Variants in NAV2 observed in about 807,000 individuals in gnomAD.
The protein encoded by NAV2 is neuron navigator 2, also known as helicase, APC down-regulated 1.
Under a neutral mutation model 223.2 loss-of-function variants are expected in NAV2, and 54 were observed. The observed-to-expected ratio is 0.24, with a 90% CI of 0.19 to 0.30. The LOEUF is 0.30. NAV2 is among the 10% of genes least tolerant of loss of function. NAV2 has a pLI of 1.00. For synonymous variants in NAV2, 1,279 were observed against 1,239.3 expected, an observed-to-expected ratio of 1.03 and a Z score of -0.67; for missense variants, 2,806 against 3,147.5, an observed-to-expected ratio of 0.89 and a Z score of 2.60.
At chr11:19,439,619 A>C (rs1184593622) in intron 1 of NAV2, among the ~76,000 whole-genome samples, 1 of 152,194 alleles carries the variant, frequency 6.6e-6, no homozygotes, top group Non-Finnish European at 1.5e-5. Flanking sequence ...CCAACATGAT[A>C]CCTGTGTTTA....
intron 1 of NAV2, among the ~76,000 whole-genome samples, chr11:19,594,565 G>T (rs2046154239): frequency 6.6e-6 from 1 of 152,092 alleles, no homozygotes; most frequent in African/African-American, 2.4e-5. Flanking sequence ...TCCCAACATG[G>T]TAGTGAATAG....
At chr11:19,802,620 G>A (rs1180823723) in intron 1 of NAV2, among the ~76,000 whole-genome samples, 1 of 149,946 alleles carries the variant, frequency 6.7e-6, no homozygotes, top group Non-Finnish European at 1.5e-5. Flanking sequence ...CAAGGCAGGA[G>A]AATCACTTAA....
At chr11:20,058,735 T>C (rs1194741823) in intron 19 of NAV2, among the ~76,000 whole-genome samples, 1 of 152,216 alleles carries the variant, frequency 6.6e-6, no homozygotes, top group Non-Finnish European at 1.5e-5. Flanking sequence ...GAGAAAGGAC[T>C]TGACCTGCTC....
chr11:19,683,173 A>G (rs2048924404), intron 1 of NAV2, among the ~76,000 whole-genome samples: 1 of 152,174 alleles, frequency 6.6e-6, no homozygotes, highest in Non-Finnish European at 1.5e-5. Context: ...TGAGGAAGGA[A>G]GAGTAGCCGG....
At chr11:19,880,402 C>T (rs1018059939) in intron 5 of NAV2, among the ~76,000 whole-genome samples, 2 of 152,180 alleles carry the variant, frequency 1.3e-5, no homozygotes, top group Admixed American at 6.5e-5. Flanking sequence ...CACACATGCT[C>T]GTAGACAATA....
chr11:19,368,328 G>T (rs939797075), intron 1 of NAV2, among the ~76,000 whole-genome samples: 1 of 152,084 alleles, frequency 6.6e-6, no homozygotes, highest in African/African-American at 2.4e-5. Flanking sequence ...TTTGCTTTTG[G>T]GTAGAAACAA....
chr11:19,714,626 G>T, intron 1 of NAV2: 1 of 372,390 alleles, frequency 2.7e-6, no homozygotes, highest in South Asian at 2.0e-5. Context: ...GGGTGGAGGT[G>T]GCTGCCTCAG....
intron 22 of NAV2, among the ~76,000 whole-genome samples, chr11:20,071,297 C>T (rs185919888): frequency 0.01 from 1,542 of 152,166 alleles, 20 homozygotes; most frequent in Non-Finnish European, 0.016. Flanking sequence ...TGAACTCATC[C>T]TTTTTATGGC....
At chr11:19,486,835 A>G (rs1220871169) in intron 1 of NAV2, among the ~76,000 whole-genome samples, 1 of 152,236 alleles carries the variant, frequency 6.6e-6, no homozygotes, top group Non-Finnish European at 1.5e-5. Context: ...GAATGAAGGA[A>G]TGAATGGGTA....
chr11:20,082,916 A>G, intron 25 of NAV2, 91 bp from the exon 26 acceptor site: 2 of 1,228,110 alleles, frequency 1.6e-6, no homozygotes, highest in Non-Finnish European at 2.3e-6. Context: ...ACATGGGAGA[A>G]TTAATCGCTT....
In NAV2 at chr11:19,877,629, C is replaced by T. The variant is rs545225378; in HGVS notation, c.512-2240C>T. Among the ~76,000 whole-genome samples, 14 of 151,934 alleles carry T rather than the reference C, an allele frequency of 9.2e-5. No individual in the cohort carries two copies. The East Asian group carries it at 2.1e-3, about 23-fold the overall frequency. On this transcript the variant is annotated intron_variant, in intron 4 of 37. Transcript: ENST00000349880. ...CTGGGACCACACGCGCCCGCCACCA[C>T]GCCCGGCTAATTTTTTGTGTTTTTA...
intron 1 of NAV2, among the ~76,000 whole-genome samples, chr11:19,554,680 T>C (rs1012374157): frequency 2.0e-5 from 3 of 152,178 alleles, no homozygotes. Flanking sequence ...TGGTGGTGTT[T>C]TTGCCAGCAA....
Position 20,048,783 on chromosome 11 carries a change from A to G in NAV2, c.3958A>G (p.Lys1320Glu). 1 of 1,614,124 alleles carries G rather than the reference A, an allele frequency of 6.2e-7. No individual in the cohort carries two copies. Among genetic ancestry groups the G allele is most frequent in the South Asian group, 1.1e-5 (1 of 91,078 alleles). ...GCCCATCGCCACAGCTGAAAACATG[A>G]AAAATTCGGTGGTCATCTCCAATCC... is the stretch of plus-strand genomic sequence containing the variant. ...QVPIATAENM[K>E]NSVVISNPHA... is the part of the protein sequence containing the mutation. The change falls in exon 15 of 38, where the codon AAA becomes GAA. Residue 1320 changes from lysine to glutamate, a missense_variant. Coordinates refer to ENST00000349880, the MANE Select transcript of NAV2 (RefSeq NM_145117.5).
chr11:19,625,761 C>T (rs935682045), intron 1 of NAV2, among the ~76,000 whole-genome samples: 1 of 152,096 alleles, frequency 6.6e-6, no homozygotes, highest in Admixed American at 6.5e-5. Context: ...TGAGATGACA[C>T]CCCATTGTGG....
chr11:19,704,110 T>G (rs1021227108), intron 1 of NAV2, among the ~76,000 whole-genome samples: 1 of 152,174 alleles, frequency 6.6e-6, no homozygotes, highest in Non-Finnish European at 1.5e-5. Flanking sequence ...CTGGTCGAAG[T>G]TGTCTTTGCC....
intron 1 of NAV2, among the ~76,000 whole-genome samples, chr11:19,375,579 G>A (rs771868707): frequency 1.4e-4 from 22 of 152,154 alleles, no homozygotes; most frequent in Non-Finnish European, 2.1e-4. Context: ...AATCCATCAA[G>A]CCAGTGCTGC....
Position 20,120,195 on chromosome 11 carries a change from C to T in NAV2, c.*1937C>T, listed in dbSNP as rs143601868. ...TAAGAGTTTGACCCGAAACTGCTCA[C>T]TTCACATTGGATGACACCATGTTCT... On this transcript the variant is annotated 3_prime_UTR_variant, in exon 38 of 38. Coordinates refer to ENST00000349880, the MANE Select transcript of NAV2 (RefSeq NM_145117.5). 1.2e-4 allele frequency: 19 copies of T among 152,312 alleles called. No individual in the cohort carries two copies. The highest frequency in any genetic ancestry group is 4.6e-4 in the African/African-American group (19 of 41,566). 9.4% of individuals were successfully genotyped at this position (152,312 alleles called of 1,614,324 possible). A position where few individuals can be genotyped will look rare whatever the true frequency, so the allele number is the denominator to read the frequency against.
chr11:19,620,483 G>T (rs12806264), intron 1 of NAV2, among the ~76,000 whole-genome samples: 110,261 of 151,718 alleles, frequency 0.73, 48,002 homozygotes, highest in Non-Finnish European at 0.96. Context: ...CACATCCCTT[G>T]TAAGTTGGAT....
At chr11:19,664,121 C>T (rs2048354319) in intron 1 of NAV2, among the ~76,000 whole-genome samples, 1 of 152,214 alleles carries the variant, frequency 6.6e-6, no homozygotes, top group Non-Finnish European at 1.5e-5. Context: ...AACCAGACCT[C>T]CCTTGAAGCC....
Sources: gnomAD v4.1 joint callset for allele counts (sites outside exome capture counted in the v4.1 genomes callset) on GRCh38, gnomAD v4.1.1 for gene constraint, MANE v1.5 for transcripts, NCBI Gene and HGNC (gene_info 2026-07-23, HGNC 2026-07-21) for gene names.